Variants in NRG3 observed in about 807,000 individuals in gnomAD.
The protein encoded by NRG3 is neuregulin 3.
A neutral mutation model predicts 66.9 loss-of-function variants in NRG3; 31 were observed. The observed-to-expected ratio is 0.46, with a 90% CI of 0.35 to 0.63. NRG3 has a LOEUF of 0.63. Ranked by LOEUF, NRG3 falls within the 20% of genes least tolerant of loss-of-function variation. NRG3 has a pLI of 0.00. For synonymous variants in NRG3, 393 were observed against 359.4 expected, an observed-to-expected ratio of 1.09 and a Z score of -1.06; for missense variants, 910 against 878.9, an observed-to-expected ratio of 1.04 and a Z score of -0.45.
intron 2 of NRG3, among the ~76,000 whole-genome samples, chr10:82,462,668 G>A (rs2091572966): frequency 6.6e-6 from 1 of 152,088 alleles, no homozygotes; most frequent in African/African-American, 2.4e-5. Flanking sequence ...GGGACTGAGA[G>A]GGGAAGTCTG....
intron 1 of NRG3, among the ~76,000 whole-genome samples, chr10:82,329,437 G>GTTT (rs529385530): frequency 1.8e-5 from 2 of 113,026 alleles, no homozygotes; most frequent in African/African-American, 3.1e-5. Context: ...TTCCTTCTTG[G>GTTT]TTTTTTTTTT....
At chr10:82,775,083 C>T (rs921898396) in intron 3 of NRG3, among the ~76,000 whole-genome samples, 6 of 152,038 alleles carry the variant, frequency 3.9e-5, no homozygotes, top group Admixed American at 2.6e-4. Context: ...GCCTCAGCCT[C>T]TCAAAGTGCT....
At chr10:82,497,317 C>T (rs1161820264) in intron 2 of NRG3, among the ~76,000 whole-genome samples, 2 of 152,114 alleles carry the variant, frequency 1.3e-5, no homozygotes, top group Admixed American at 1.3e-4. Flanking sequence ...CCATGATTAA[C>T]ATTTTCATGT....
At chr10:82,269,865 C>A (rs557784289) in intron 1 of NRG3, among the ~76,000 whole-genome samples, 1 of 152,064 alleles carries the variant, frequency 6.6e-6, no homozygotes, top group Non-Finnish European at 1.5e-5. Flanking sequence ...TTGAAAGACA[C>A]GGATTTCCTG....
intron 2 of NRG3, among the ~76,000 whole-genome samples, chr10:82,723,158 A>G (rs1439935475): frequency 6.6e-6 from 1 of 152,220 alleles, no homozygotes; most frequent in Non-Finnish European, 1.5e-5. Flanking sequence ...ATAAAATTAC[A>G]TCTTTCACAA....
At chr10:82,728,527 TCTC>T (rs1479895537) in intron 2 of NRG3, among the ~76,000 whole-genome samples, 1 of 152,170 alleles carries the variant, frequency 6.6e-6, no homozygotes, top group Non-Finnish European at 1.5e-5. Context: ...GATTGTGAGA[TCTC>T]CTCAGCCATG....
chr10:82,357,435 C>G (rs1641143556), intron 1 of NRG3, among the ~76,000 whole-genome samples: 2 of 152,158 alleles, frequency 1.3e-5, no homozygotes, highest in South Asian at 2.1e-4. Context: ...TTTTCTATTG[C>G]TTTAACTGAA....
In NRG3 at chr10:82,431,726, A is replaced by G. The variant is rs181641144; in HGVS notation, c.953+72858A>G. Among the ~76,000 whole-genome samples, 27 of 152,344 alleles carry G rather than the reference A, an allele frequency of 1.8e-4. 2 individuals carry two copies. The highest frequency in any genetic ancestry group is 3.3e-4 in the Admixed American group (5 of 15,298). On this transcript the variant is annotated intron_variant, in intron 2 of 8. Coordinates refer to ENST00000372141, the MANE Select transcript of NRG3 (RefSeq NM_001010848.4). ...ATTTTCTGGAAGCAATCATCAAAAC[A>G]TTAAAAAAAGATAATGTCTTTTCTT... is the stretch of plus-strand genomic sequence containing the variant.
At chr10:82,246,754 G>C (rs117465692) in intron 1 of NRG3, among the ~76,000 whole-genome samples, 4 of 151,166 alleles carry the variant, frequency 2.6e-5, no homozygotes, top group Admixed American at 6.6e-5. Context: ...GAAGGAACTG[G>C]TATTTAGAAG....
intron 2 of NRG3, among the ~76,000 whole-genome samples, chr10:82,611,501 G>A (rs1384345109): frequency 2.0e-5 from 3 of 152,078 alleles, no homozygotes; most frequent in East Asian, 3.9e-4. Context: ...TCCCACCTAT[G>A]AGTGAGAATA....
chr10:81,961,037 A>G (rs1850309540), intron 1 of NRG3, among the ~76,000 whole-genome samples: 1 of 152,168 alleles, frequency 6.6e-6, no homozygotes, highest in Non-Finnish European at 1.5e-5. Context: ...GCTTACCTGC[A>G]CCTTCTAAGC....
intron 2 of NRG3, among the ~76,000 whole-genome samples, chr10:82,540,062 A>T (rs553902607): frequency 1.3e-5 from 2 of 152,136 alleles, no homozygotes; most frequent in Non-Finnish European, 2.9e-5. Context: ...ATTTTGCTCT[A>T]AGAAGACAAA....
At chr10:82,566,292 A>G (rs926240828) in intron 2 of NRG3, among the ~76,000 whole-genome samples, 2 of 151,972 alleles carry the variant, frequency 1.3e-5, no homozygotes, top group Admixed American at 6.6e-5. Flanking sequence ...ATAACAGTTG[A>G]CTGTTCTTAC....
rs530967075 is a variant in NRG3 at position 82,922,478 on chromosome 10, A to G, written c.1055-28991A>G. On this transcript the variant is annotated intron_variant, in intron 4 of 8. Transcript: ENST00000372141. ...GTTCTTGCATCAGATCAATTTTGTG[A>G]ACTGGTTTGTTTCACCTGTGAATGA... Among the ~76,000 whole-genome samples, 5 of 152,196 alleles carry G rather than the reference A, an allele frequency of 3.3e-5. No individual in the cohort carries two copies. In the East Asian group the frequency reaches 7.7e-4, roughly 24 times the overall value.
chr10:82,086,127 C>G (rs897238272), intron 1 of NRG3, among the ~76,000 whole-genome samples: 1 of 151,198 alleles, frequency 6.6e-6, no homozygotes, highest in African/African-American at 2.4e-5. Context: ...AAAAAAAAAT[C>G]TAACCTGAAG....
chr10:82,892,613 C>T (rs1464011625), intron 4 of NRG3, among the ~76,000 whole-genome samples: 7 of 151,736 alleles, frequency 4.6e-5, no homozygotes, highest in African/African-American at 2.4e-5. Context: ...CTGCAGTGAC[C>T]TGTGATCATA....
chr10:82,452,480 G>A (rs2091063343), intron 2 of NRG3, among the ~76,000 whole-genome samples: 1 of 152,150 alleles, frequency 6.6e-6, no homozygotes, highest in South Asian at 2.1e-4. Context: ...CTTGTAGTTT[G>A]CATTACAAGT....
chr10:82,890,483 A>G (rs1014966991), intron 4 of NRG3, among the ~76,000 whole-genome samples: 1 of 152,326 alleles, frequency 6.6e-6, no homozygotes, highest in Admixed American at 6.5e-5. Flanking sequence ...CATATTATAT[A>G]TACATACATA....
intron 2 of NRG3, among the ~76,000 whole-genome samples, chr10:82,369,036 G>A (rs1249103704): frequency 7.2e-6 from 1 of 138,682 alleles, no homozygotes; most frequent in African/African-American, 3.3e-5. Flanking sequence ...CACAGCATCA[G>A]GCAGCACTTC....
Sources: gnomAD v4.1 joint callset for allele counts (sites outside exome capture counted in the v4.1 genomes callset) on GRCh38, gnomAD v4.1.1 for gene constraint, MANE v1.5 for transcripts, NCBI Gene and HGNC (gene_info 2026-07-23, HGNC 2026-07-21) for gene names.